ACAN: variants seen among roughly 807,000 people sequenced by gnomAD.
ACAN encodes the protein aggrecan core protein.
Under a neutral mutation model 169.1 loss-of-function variants are expected in ACAN, and 47 were observed. The observed-to-expected ratio is 0.28, with a 90% CI of 0.22 to 0.35. The LOEUF (loss-of-function observed/expected upper bound fraction) is 0.35. ACAN is among the 10% of genes least tolerant of loss of function. The probability of loss-of-function intolerance (pLI) is 1.00; values close to 1 mark genes in which losing one functional copy is unlikely to be tolerated. For missense variants in ACAN, 2,716 were observed against 2,759.9 expected (o/e 0.98, Z 0.36); for synonymous variants, 1,115 against 1,112.2 (o/e 1.00, Z -0.05).
rs774821930 is a variant in ACAN at position 88,843,691 on chromosome 15, A to T, written c.1051+43A>T. On this transcript the variant is annotated intron_variant, in intron 6 of 18. Coordinates refer to ENST00000560601, the MANE Select transcript of ACAN (RefSeq NM_001369268.1). The surrounding 1 kb of genome is among the most constrained non-coding windows in gnomAD (Gnocchi z 4.0). ...GTGGGAAGGGAGTTCATGCCACTAA[A>T]ATGGGGTCCTAGAGGGAAGAGGGGA... 2.0e-6 allele frequency: 3 copies of T among 1,534,034 alleles called. No individual in the cohort carries two copies. In the Admixed American group the frequency reaches 5.5e-5, roughly 28 times the overall value.
chr15:88,804,913 T>C (rs1895639579), intron 1 of ACAN, among the ~76,000 whole-genome samples: 1 of 152,140 alleles, frequency 6.6e-6, no homozygotes, highest in South Asian at 2.1e-4. Flanking sequence ...TTTGGGGTCC[T>C]GGGTGCTGCA....
Position 88,851,990 on chromosome 15 carries a change from A to G in ACAN, c.2223A>G (p.Glu741=). The G allele has an allele frequency of 1.2e-6, 2 of 1,611,288 alleles. No homozygotes were observed. Among genetic ancestry groups the G allele is most frequent in the South Asian group, 1.1e-5 (1 of 90,490 alleles). The change falls in exon 11 of 19, where the codon GAA becomes GAG. Residue 741 remains glutamate, a synonymous_variant. Transcript: ENST00000560601. This position sits in a 1 kb window ranked among gnomAD's most constrained non-coding sequence, Gnocchi z 4.3. ...EFTTEPENQT[E]WEPAYTPVGT... is the part of the protein sequence containing the mutation. ...CCACCGAGCCAGAAAACCAGACAGA[A>G]TGGGAACCAGCCTATACCCCAGTGG...
At position 88,849,434 on chromosome 15, in the gene ACAN, C is replaced by A; in HGVS notation, c.1733-4C>A. The A allele has an allele frequency of 6.3e-7, 1 of 1,578,760 alleles. No individual in the cohort carries two copies. The highest frequency in any genetic ancestry group is 8.6e-7 in the Non-Finnish European group (1 of 1,159,062). ...CATATTCTACCCCTTGCCTCTGCCC[C>A]CAGGGGAGGTGTTCTTCGCCACACG... On this transcript the variant is annotated splice_polypyrimidine_tract_variant and splice_region_variant and intron_variant, in intron 9 of 18. Transcript: ENST00000560601. The surrounding 1 kb of genome is among the most constrained non-coding windows in gnomAD (Gnocchi z 5.1).
intron 1 of ACAN, among the ~76,000 whole-genome samples, chr15:88,820,555 G>T (rs1896050932): frequency 6.6e-6 from 1 of 152,012 alleles, no homozygotes; most frequent in Non-Finnish European, 1.5e-5. Flanking sequence ...CTTTCTCCCT[G>T]CCTTGTGTGT....
Position 88,854,929 on chromosome 15 carries a change from T to C in ACAN, c.2344T>C (p.Ser782Pro), listed in dbSNP as rs1344279000. 8.2e-6 allele frequency: 13 copies of C among 1,591,338 alleles called. No homozygotes were observed. Among genetic ancestry groups the C allele is most frequent in the Non-Finnish European group, 1.1e-5 (13 of 1,170,376 alleles). The change falls in exon 12 of 19, where the codon TCT becomes CCT. Residue 782 changes from serine (S) to proline (P), a missense_variant. By Grantham distance (74) the Ser-to-Pro change is moderately conservative (BLOSUM62 -1). Transcript: ENST00000560601. ...TEGPSATEVP[S>P]ASEEPSPSEV... Reference sequence around the variant, plus strand: ...AGGCCCTTCTGCAACTGAAGTGCCCTCTGCCTCAGAGGAACCATCCCCCTC... The same window carrying C: ...AGGCCCTTCTGCAACTGAAGTGCCCCCTGCCTCAGAGGAACCATCCCCCTC...
At position 88,868,247 on chromosome 15, in the gene ACAN, G is replaced by C. The variant is rs542570930; in HGVS notation, c.6978G>C (p.Leu2326=). Residue 2326 remains leucine (L), a synonymous_variant, in exon 14 of 19, where the codon CTG becomes CTC. Transcript: ENST00000560601. This position sits in a 1 kb window ranked among gnomAD's most constrained non-coding sequence, Gnocchi z 5.2. ...ATGAGTGCCTCTCAAGCCCTTGTCT[G>C]AATGGAGCCACCTGCGTGGATGCCA... ...DIDECLSSPC[L]NGATCVDAID... The C allele has an allele frequency of 1.4e-6, 1 of 702,790 alleles. No homozygotes were observed. The highest frequency in any genetic ancestry group is 1.5e-5 in the South Asian group (1 of 67,590). 43.5% of individuals were successfully genotyped at this position (702,790 alleles called of 1,614,324 possible).
At chr15:88,828,192 A>T (rs12905452) in intron 1 of ACAN, among the ~76,000 whole-genome samples, 6 of 151,834 alleles carry the variant, frequency 4.0e-5, no homozygotes, top group East Asian at 1.9e-4. Context: ...GGTCAGACAT[A>T]GAGCTAAAGA....
Position 88,826,093 on chromosome 15 carries a change from G to A in ACAN, c.-7-10107G>A, listed in dbSNP as rs112333781. ...GCTCTTCCAACTGCCAGAGGTACGC[G>A]GTCTCTCATGGTAGGATGGGACTTT... is the stretch of plus-strand genomic sequence containing the variant. On this transcript the variant is annotated intron_variant, in intron 1 of 18. Transcript: ENST00000560601. 3.0e-4 allele frequency among the ~76,000 whole-genome samples: 46 copies of A among 152,264 alleles called. 1 individual carries two copies. In the East Asian group the frequency reaches 4.1e-3, roughly 13 times the overall value.
intron 7 of ACAN, 80 bp from the exon 8 acceptor site, chr15:88,847,163 G>T: frequency 1.5e-6 from 2 of 1,375,528 alleles, no homozygotes; most frequent in Non-Finnish European, 2.0e-6. Context: ...GCAGGAGTTG[G>T]CCCCCCTCTG....
chr15:88,874,344 T>C lies in ACAN; in HGVS notation c.7631-61T>C. ...GAGAGAGGGTAGTCTGGGGAGAGCC[T>C]GGGCTCGCCCCACTTTCTTTCCAGG... On this transcript the variant is annotated intron_variant, in intron 18 of 18. Coordinates refer to ENST00000560601, the MANE Select transcript of ACAN (RefSeq NM_001369268.1). This position sits in a 1 kb window ranked among gnomAD's most constrained non-coding sequence, Gnocchi z 7.3. The C allele has an allele frequency of 6.9e-7, 1 of 1,459,060 alleles. No individual in the cohort carries two copies. The highest frequency in any genetic ancestry group is 1.2e-5 in the South Asian group (1 of 82,294). The allele number at this position is 1,459,060 out of a possible 1,614,324, so 90.4% of individuals were successfully genotyped here.
chr15:88,811,332 A>C (rs995046457), intron 1 of ACAN, among the ~76,000 whole-genome samples: 8 of 152,186 alleles, frequency 5.3e-5, no homozygotes, highest in Non-Finnish European at 1.2e-4. Flanking sequence ...AAAAGATGCT[A>C]ATCTAGGCAC....
In ACAN at chr15:88,874,426, T is replaced by A; in HGVS notation, c.7652T>A (p.Leu2551Gln). The change falls in exon 19 of 19, where the codon CTA becomes CAA. Residue 2551 changes from leucine to glutamine, a missense_variant. Transcript: ENST00000560601. This position sits in a 1 kb window ranked among gnomAD's most constrained non-coding sequence, Gnocchi z 7.3. ...CTAGCCACCACCTACAAACGCAGAC[T>A]ACAGAAGCGGAGCTCACGGCACCCT... is the stretch of plus-strand genomic sequence containing the variant. ...CTDPTTYKRR[L>Q]QKRSSRHPRR... The A allele has an allele frequency of 6.2e-7, 1 of 1,607,214 alleles. No homozygotes were observed. Among genetic ancestry groups the A allele is most frequent in the Non-Finnish European group, 8.5e-7 (1 of 1,177,260 alleles).
intron 1 of ACAN, among the ~76,000 whole-genome samples, chr15:88,831,352 G>A (rs181910367): frequency 5.9e-5 from 9 of 152,348 alleles, no homozygotes; most frequent in Admixed American, 4.6e-4. Flanking sequence ...AGGAAGCAGC[G>A]TGTCTCTACC....
At chr15:88,830,258 A>G (rs934747418) in intron 1 of ACAN, among the ~76,000 whole-genome samples, 1 of 152,246 alleles carries the variant, frequency 6.6e-6, no homozygotes, top group South Asian at 2.1e-4. Flanking sequence ...ATGAGGCTTC[A>G]TTCAAAGGAA....
At chr15:88,847,734 C>T (rs1896829848) in intron 8 of ACAN, among the ~76,000 whole-genome samples, 177 bp from the exon 9 acceptor site, 1 of 152,236 alleles carries the variant, frequency 6.6e-6, no homozygotes. Flanking sequence ...CCACCAGATC[C>T]TTCCCCCAGG....
chr15:88,858,239 G>T lies in ACAN; in HGVS notation c.5654G>T (p.Ser1885Ile). The T allele has an allele frequency of 7.4e-6, 12 of 1,613,972 alleles. No individual in the cohort carries two copies. The highest frequency in any genetic ancestry group is 1.0e-5 in the Non-Finnish European group (12 of 1,179,902). Residue 1885 changes from serine to isoleucine, a missense_variant, in exon 12 of 19, where the codon AGT becomes ATT. Around this residue, in one of 3 missense-constraint regions of ACAN, gnomAD observed 1,389 missense variants for 1,363.7 expected, o/e 1.02. Coordinates refer to ENST00000560601, the MANE Select transcript of ACAN (RefSeq NM_001369268.1). The surrounding 1 kb of genome is among the most constrained non-coding windows in gnomAD (Gnocchi z 4.0). ...SGQFSGTVDS[S>I]GFTSQTPEFS... is the part of the protein sequence containing the mutation. ...CAGTTTTCTGGAACAGTCGATTCCAGTGGGTTTACATCCCAGACTCCGGAA... is the reference window on the plus strand; with the variant it reads ...CAGTTTTCTGGAACAGTCGATTCCATTGGGTTTACATCCCAGACTCCGGAA...
chr15:88,868,087 G>T lies in ACAN; in HGVS notation c.6947-129G>T. On this transcript the variant is annotated intron_variant, in intron 13 of 18. Transcript: ENST00000560601. This position sits in a 1 kb window ranked among gnomAD's most constrained non-coding sequence, Gnocchi z 5.2. ...GCAGCAGCAGCAGCAACAGTTCTCA[G>T]GAAAACCAGCCAGTTCCCTCCCAGG... 3.2e-6 allele frequency: 2 copies of T among 621,334 alleles called. No individual in the cohort carries two copies. The highest frequency in any genetic ancestry group is 2.9e-6 in the Non-Finnish European group (1 of 347,754). The allele number at this position is 621,334 out of a possible 1,614,324, so 38.5% of individuals were successfully genotyped here.
chr15:88,813,688 T>C (rs1286040319), intron 1 of ACAN, among the ~76,000 whole-genome samples: 1 of 152,204 alleles, frequency 6.6e-6, no homozygotes, highest in African/African-American at 2.4e-5. Context: ...TTCCTTTACA[T>C]CTTTTGAGCC....
At chr15:88,832,566 T>G (rs1003373541) in intron 1 of ACAN, among the ~76,000 whole-genome samples, 1 of 152,192 alleles carries the variant, frequency 6.6e-6, no homozygotes, top group Non-Finnish European at 1.5e-5. Context: ...GCCAAGATCA[T>G]GCCACTGCAC....
Sources: allele counts gnomAD v4.1 joint callset (sites outside exome capture counted in the v4.1 genomes callset), GRCh38; gene constraint gnomAD v4.1.1; regional missense constraint gnomAD v4.1.1; non-coding constraint Gnocchi (gnomAD v3.1); transcripts MANE v1.5; gene names NCBI Gene and HGNC (gene_info 2026-07-23, HGNC 2026-07-21).